Variants in TMLHE observed in about 807,000 individuals in gnomAD.
TMLHE encodes trimethyllysine dioxygenase, mitochondrial.
TMLHE carries 18 observed loss-of-function variants against 25.7 expected under a neutral mutation model. The observed-to-expected ratio is 0.70, with a 90% CI of 0.48 to 1.04. The LOEUF (loss-of-function observed/expected upper bound fraction) is 1.04. TMLHE is among the 50% of genes least tolerant of loss of function. The pLI is 0.00. For missense variants in TMLHE, 236 were observed against 259.0 expected (o/e 0.91, Z 0.61); for synonymous variants, 105 against 97.0 (o/e 1.08, Z -0.49).
chrX:155,564,786 T>C (rs1557342062), intron 1 of TMLHE, among the ~76,000 whole-genome samples: 1 of 61,729 alleles, frequency 1.6e-5, no homozygotes, highest in African/African-American at 3.6e-5. Flanking sequence ...ATGTGGACAG[T>C]TGTCAACCTC....
intron 1 of TMLHE, among the ~76,000 whole-genome samples, chrX:155,576,060 C>G (rs782073464): frequency 9.0e-6 from 1 of 111,590 alleles, no homozygotes; most frequent in East Asian, 2.8e-4. Flanking sequence ...GTCAAACTAT[C>G]TCTGTTTGCA....
At chrX:155,560,402 C>T (rs2067487425) in intron 1 of TMLHE, among the ~76,000 whole-genome samples, 2 of 109,711 alleles carry the variant, frequency 1.8e-5, no homozygotes, top group African/African-American at 6.5e-5. Context: ...GACAAAAAGT[C>T]TTGCTTTCAA....
chrX:155,515,405 T>A (rs782281865), intron 3 of TMLHE, among the ~76,000 whole-genome samples: 154 of 110,448 alleles, frequency 1.4e-3, no homozygotes, highest in African/African-American at 4.7e-3. Context: ...ACATTTATTT[T>A]TAAAAAATTT....
intron 1 of TMLHE, among the ~76,000 whole-genome samples, chrX:155,548,585 A>T (rs782334201): frequency 1.8e-5 from 2 of 108,817 alleles, no homozygotes; most frequent in Admixed American, 9.7e-5. Flanking sequence ...AAATACAAAA[A>T]TTAGCCGGGT....
chrX:155,547,522 A>C (rs1196550770), intron 1 of TMLHE, among the ~76,000 whole-genome samples: 1 of 111,559 alleles, frequency 9.0e-6, no homozygotes, highest in Non-Finnish European at 1.9e-5. Context: ...ATGTTCACAA[A>C]CTAGCAGGGA....
chrX:155,545,042 C>A (rs2067335299), intron 2 of TMLHE, 54 bp downstream of exon 2: 1 of 1,163,166 alleles, frequency 8.6e-7, no homozygotes, highest in Non-Finnish European at 1.2e-6. Flanking sequence ...GCTGCCAAAG[C>A]AAACATTTCT....
At chrX:155,573,955 C>T (rs890780259) in intron 1 of TMLHE, among the ~76,000 whole-genome samples, 7 of 102,124 alleles carry the variant, frequency 6.9e-5, no homozygotes, top group Non-Finnish European at 9.8e-5. Context: ...GCACATTGTG[C>T]ACATGTACCC....
intron 1 of TMLHE, among the ~76,000 whole-genome samples, chrX:155,552,074 C>G (rs1557340127): frequency 9.1e-6 from 1 of 109,522 alleles, no homozygotes; most frequent in East Asian, 2.8e-4. Context: ...CTTTGCAACG[C>G]TGGCATAAAC....
At chrX:155,557,642 T>C (rs1234502947) in intron 1 of TMLHE, among the ~76,000 whole-genome samples, 2 of 111,303 alleles carry the variant, frequency 1.8e-5, no homozygotes, top group Non-Finnish European at 1.9e-5. Flanking sequence ...GTGCTGAAAA[T>C]ATATCAGCAA....
At chrX:155,558,383 T>C in intron 1 of TMLHE, among the ~76,000 whole-genome samples, 1 of 111,967 alleles carries the variant, frequency 8.9e-6, no homozygotes, top group Non-Finnish European at 1.9e-5. Context: ...ATAGTCTTTA[T>C]GTGTTTCTTC....
chrX:155,546,027 C>T (rs782545844), intron 1 of TMLHE, among the ~76,000 whole-genome samples: 9 of 110,067 alleles, frequency 8.2e-5, no homozygotes, highest in Non-Finnish European at 1.7e-4. Flanking sequence ...ACCCCTATTC[C>T]GACTATGTGA....
At chrX:155,598,521 G>T (rs1271166461) in intron 1 of TMLHE, among the ~76,000 whole-genome samples, 1 of 89,330 alleles carries the variant, frequency 1.1e-5, no homozygotes, top group Non-Finnish European at 2.1e-5. Flanking sequence ...ATGGACGTAG[G>T]AAGGGGAACA....
chrX:155,548,535 G>GTGGATCATCTGAAGAGTTGGAGA (rs1491301815), intron 1 of TMLHE, among the ~76,000 whole-genome samples: 1 of 109,143 alleles, frequency 9.2e-6, no homozygotes, highest in Non-Finnish European at 1.9e-5. Flanking sequence ...GCAGTATGAG[G>GTGGATCATCTGAAGAGTTGGAGA]CCAGCCTGAC....
chrX:155,523,483 T>G (rs782298265), intron 3 of TMLHE, among the ~76,000 whole-genome samples: 1 of 111,599 alleles, frequency 9.0e-6, no homozygotes, highest in Non-Finnish European at 1.9e-5. Flanking sequence ...GTTGACTATA[T>G]TTCTGTGGAT....
At chrX:155,546,411 AG>A (rs1449804632) in intron 1 of TMLHE, among the ~76,000 whole-genome samples, 1 of 111,583 alleles carries the variant, frequency 9.0e-6, no homozygotes, top group Non-Finnish European at 1.9e-5. Context: ...GATTGCAGAT[AG>A]GCTGTGTGGT....
chrX:155,561,223 T>C (rs2067494846), intron 1 of TMLHE, among the ~76,000 whole-genome samples: 1 of 61,648 alleles, frequency 1.6e-5, no homozygotes, highest in African/African-American at 3.6e-5. Context: ...CAGTTCTACA[T>C]GGTTGGAGAG....
Position 155,507,084 on chromosome X carries a change from A to G in TMLHE, c.809T>C (p.Leu270Pro). 1 of 1,210,411 alleles carries G rather than the reference A, an allele frequency of 8.3e-7. No individual in the cohort carries two copies. ...TGCTGCATAGAATCCATCTACTAGC[A>G]GTGTCCTGCCACCAGTTCCTTCATG... Reference protein sequence around the residue: ...LKHEGTGGRTLLVDGFYAAEQ... With the variant: ...LKHEGTGGRTPLVDGFYAAEQ... Residue 270 changes from leucine (L) to proline (P), a missense_variant, in exon 6 of 8, where the codon CTG becomes CCG. Physicochemically the swap from Leu to Pro is moderately conservative, Grantham distance 98 (BLOSUM62 -3). This residue lies in a region of TMLHE where 217 missense variants were observed against 214.6 expected (regional missense o/e 1.01). Transcript: ENST00000334398.
chrX:155,507,759 T>C (rs1463318544), intron 5 of TMLHE, among the ~76,000 whole-genome samples: 2 of 110,926 alleles, frequency 1.8e-5, no homozygotes, highest in African/African-American at 6.5e-5. Context: ...GATTTTAAAC[T>C]GTGAAACTCT....
In TMLHE at chrX:155,512,271, C is replaced by G. The variant is rs782549900; in HGVS notation, c.639-479G>C. On this transcript the variant is annotated intron_variant, in intron 4 of 7. Transcript: ENST00000334398. ...CATGCTGGTGCGCTGCACCCACTAA[C>G]TCATCATCTAGCATTAGGTATATCT... Among the ~76,000 whole-genome samples, 76 of 108,008 alleles carry G rather than the reference C, an allele frequency of 7.0e-4. 2 individuals carry two copies. Among genetic ancestry groups the G allele is most frequent in the African/African-American group, 2.2e-3 (63 of 28,893 alleles). The allele number at this position is 108,008 out of a possible 115,157, so 93.8% of individuals were successfully genotyped here.
Sources: allele counts gnomAD v4.1 joint callset (sites outside exome capture counted in the v4.1 genomes callset), GRCh38; gene constraint gnomAD v4.1.1; regional missense constraint gnomAD v4.1.1; transcripts MANE v1.5; gene names NCBI Gene and HGNC (gene_info 2026-07-23, HGNC 2026-07-21).